Variants in NEGR1 observed in about 807,000 individuals in gnomAD.
NEGR1 encodes the protein neuronal growth regulator 1.
In NEGR1, 10 loss-of-function variants were observed where a neutral mutation model predicts 40.9. The observed-to-expected ratio is 0.24, with a 90% confidence interval of 0.15 to 0.42. The LOEUF (loss-of-function observed/expected upper bound fraction) is 0.42, where lower values mean the gene tolerates loss of function less well. Among genes scored for constraint, NEGR1 ranks in the 10% least tolerant of loss-of-function variants. The pLI, the probability that NEGR1 is intolerant of heterozygous loss-of-function variation, is 1.00. For synonymous variants in NEGR1, 185 were observed against 166.8 expected (o/e 1.11, Z -0.84); for missense variants, 352 against 438.9 (o/e 0.80, Z 1.77).
intron 1 of NEGR1, among the ~76,000 whole-genome samples, chr1:72,000,149 T>G (rs1009949331): frequency 6.6e-6 from 1 of 152,114 alleles, no homozygotes; most frequent in African/African-American, 2.4e-5. Context: ...GTGATGAATA[T>G]TTCAGAAAAG....
At chr1:71,806,891 T>G (rs894137907) in intron 2 of NEGR1, among the ~76,000 whole-genome samples, 17 of 142,724 alleles carry the variant, frequency 1.2e-4, no homozygotes, top group Admixed American at 1.1e-3. Flanking sequence ...TCGATCTGTT[T>G]TTTTTTGTTT....
At chr1:72,215,976 T>C (rs1185776950) in intron 1 of NEGR1, among the ~76,000 whole-genome samples, 2 of 151,942 alleles carry the variant, frequency 1.3e-5, no homozygotes, top group South Asian at 2.1e-4. Flanking sequence ...CCATCAATGA[T>C]AGATGGGATT....
chr1:72,004,089 C>A (rs1170963005), intron 1 of NEGR1, among the ~76,000 whole-genome samples: 3 of 152,048 alleles, frequency 2.0e-5, no homozygotes, highest in Non-Finnish European at 4.4e-5. Context: ...AATTGAACTT[C>A]CCATAATCAA....
chr1:71,546,114 T>G (rs567408627), intron 6 of NEGR1, among the ~76,000 whole-genome samples: 5 of 151,868 alleles, frequency 3.3e-5, no homozygotes, highest in African/African-American at 1.2e-4. Context: ...TCACAAGTCT[T>G]TCTAATTACA....
intron 4 of NEGR1, among the ~76,000 whole-genome samples, chr1:71,637,461 G>A (rs1033821317): frequency 4.0e-5 from 6 of 151,822 alleles, no homozygotes; most frequent in Admixed American, 3.3e-4. Flanking sequence ...GCTTTAAAGT[G>A]ATGATTATTT....
intron 2 of NEGR1, among the ~76,000 whole-genome samples, chr1:71,908,359 T>C (rs965471367): frequency 6.6e-6 from 1 of 152,172 alleles, no homozygotes; most frequent in African/African-American, 2.4e-5. Flanking sequence ...AAATCTGGAT[T>C]ATGGCAATGT....
chr1:71,788,999 T>C (rs970826393), intron 2 of NEGR1, among the ~76,000 whole-genome samples: 1 of 152,118 alleles, frequency 6.6e-6, no homozygotes. Flanking sequence ...AAAATATGTA[T>C]ACCTTAAGGA....
chr1:72,210,401 C>T (rs1205468705), intron 1 of NEGR1, among the ~76,000 whole-genome samples: 2 of 151,828 alleles, frequency 1.3e-5, no homozygotes, highest in Non-Finnish European at 2.9e-5. Flanking sequence ...TTTCTAAGTA[C>T]AGTTGTTGTC....
intron 2 of NEGR1, among the ~76,000 whole-genome samples, chr1:71,806,442 T>C (rs983708845): frequency 5.9e-5 from 9 of 151,792 alleles, no homozygotes; most frequent in African/African-American, 1.7e-4. Flanking sequence ...TGTAGGTCTA[T>C]AAAAAGTAAG....
At chr1:72,066,513 C>A (rs1487472607) in intron 1 of NEGR1, among the ~76,000 whole-genome samples, 1 of 152,076 alleles carries the variant, frequency 6.6e-6, no homozygotes, top group East Asian at 1.9e-4. Context: ...AGCCGTGACC[C>A]TCAATGTGAC....
chr1:71,950,992 T>G (rs1300950660), intron 1 of NEGR1, among the ~76,000 whole-genome samples: 1 of 151,960 alleles, frequency 6.6e-6, no homozygotes, highest in African/African-American at 2.4e-5. Context: ...ATGTGTGTCT[T>G]CAGGATTTCA....
chr1:71,756,395 AAAAAACAAAAACAAAC>A lies in NEGR1; in HGVS notation c.535+19761_535+19776del, dbSNP rs1203789506. Among the ~76,000 whole-genome samples the A allele has an allele frequency of 3.5e-4, 37 of 106,922 alleles. 1 individual carries two copies. Among genetic ancestry groups the A allele is most frequent in the African/African-American group, 1.6e-3 (36 of 21,884 alleles). 70.1% of individuals were successfully genotyped at this position (106,922 alleles called of 152,430 possible). On this transcript the variant is annotated intron_variant, in intron 3 of 6. Coordinates refer to ENST00000357731, the MANE Select transcript of NEGR1 (RefSeq NM_173808.3). ...CTTAAATCAAATGCCTCAAAAAAAC[AAAAAACAAAAACAAAC>A]AAAAAAAAAAAACCAAAAAAAACCA... is the stretch of plus-strand genomic sequence containing the variant.
At chr1:71,908,894 C>A (rs1195344839) in intron 2 of NEGR1, among the ~76,000 whole-genome samples, 1 of 152,020 alleles carries the variant, frequency 6.6e-6, no homozygotes, top group Non-Finnish European at 1.5e-5. Context: ...TATTTTCTTT[C>A]TTTTCTTAAA....
At chr1:72,129,396 AACT>A (rs1298257730) in intron 1 of NEGR1, among the ~76,000 whole-genome samples, 1 of 152,196 alleles carries the variant, frequency 6.6e-6, no homozygotes, top group Non-Finnish European at 1.5e-5. Context: ...AAATAAAAGA[AACT>A]ACATCTAGTT....
At chr1:71,666,067 CATG>C (rs1652230402) in intron 4 of NEGR1, among the ~76,000 whole-genome samples, 1 of 152,108 alleles carries the variant, frequency 6.6e-6, no homozygotes, top group African/African-American at 2.4e-5. Context: ...TGTCTCATTC[CATG>C]TTACCCTCCA....
intron 2 of NEGR1, among the ~76,000 whole-genome samples, chr1:71,800,329 T>C (rs993723954): frequency 2.6e-5 from 4 of 152,244 alleles, no homozygotes; most frequent in African/African-American, 9.6e-5. Context: ...TTTCTTTTGC[T>C]GTACAGAAGC....
intron 2 of NEGR1, among the ~76,000 whole-genome samples, chr1:71,887,154 G>A (rs1035243553): frequency 2.6e-5 from 4 of 152,112 alleles, no homozygotes; most frequent in African/African-American, 9.7e-5. Context: ...ATAAGTAAGG[G>A]AAAATGTATT....
intron 3 of NEGR1, among the ~76,000 whole-genome samples, chr1:71,743,249 A>C (rs77283288): frequency 0.013 from 1,950 of 152,328 alleles, 34 homozygotes; most frequent in African/African-American, 0.045. Context: ...GATCAAAAAA[A>C]TGTAATACAG....
At position 71,812,586 on chromosome 1, in the gene NEGR1, C is replaced by T. The variant is rs138863351; in HGVS notation, c.410-36289G>A. ...TGTTTCTTGACTTTTTAATAATCAC[C>T]ATTCTGACTGGTGTGAGATGGTATC... On this transcript the variant is annotated intron_variant, in intron 2 of 6. Transcript: ENST00000357731. 2.3e-3 allele frequency among the ~76,000 whole-genome samples: 347 copies of T among 152,180 alleles called. 4 individuals are homozygous for T. The highest frequency in any genetic ancestry group is 7.3e-3 in the African/African-American group (302 of 41,528).
Sources: gnomAD v4.1 joint callset for allele counts (sites outside exome capture counted in the v4.1 genomes callset) on GRCh38, gnomAD v4.1.1 for gene constraint, MANE v1.5 for transcripts, NCBI Gene and HGNC (gene_info 2026-07-23, HGNC 2026-07-21) for gene names.